Variants in HECW1 observed in about 807,000 individuals in gnomAD.
The protein encoded by HECW1 is HECT, C2 and WW domain containing E3 ubiquitin protein ligase 1.
A neutral mutation model predicts 182.3 loss-of-function variants in HECW1; 61 were observed. The observed-to-expected ratio is 0.33, with a 90% CI of 0.27 to 0.41. The LOEUF (loss-of-function observed/expected upper bound fraction) is 0.41, where lower values mean the gene tolerates loss of function less well. Ranked by LOEUF, HECW1 falls within the 10% of genes least tolerant of loss-of-function variation. The pLI, the probability that HECW1 is intolerant of heterozygous loss-of-function variation, is 1.00. For synonymous variants in HECW1, 859 were observed against 832.6 expected (o/e 1.03, Z -0.55); for missense variants, 1,739 against 2,108.9 (o/e 0.82, Z 3.44).
At chr7:43,476,808 G>A (rs1259680881) in intron 16 of HECW1, among the ~76,000 whole-genome samples, 11 of 151,982 alleles carry the variant, frequency 7.2e-5, no homozygotes, top group East Asian at 1.9e-4. Flanking sequence ...TAGTGTTAAC[G>A]ATTAACTCAC....
chr7:43,336,165 TC>T (rs1463536161), intron 5 of HECW1, among the ~76,000 whole-genome samples: 7 of 120,400 alleles, frequency 5.8e-5, no homozygotes, highest in African/African-American at 1.3e-4. Context: ...TCTCTCTCTC[TC>T]TCTCTCTCTC....
At chr7:43,237,832 T>G (rs375150002) in intron 2 of HECW1, among the ~76,000 whole-genome samples, 19 of 149,870 alleles carry the variant, frequency 1.3e-4, no homozygotes, top group African/African-American at 4.8e-4. Flanking sequence ...CACCAGTCTT[T>G]CCCCCCCGCC....
At chr7:43,354,187 T>TAAA (rs34351679) in intron 5 of HECW1, among the ~76,000 whole-genome samples, 1 of 121,690 alleles carries the variant, frequency 8.2e-6, no homozygotes, top group Non-Finnish European at 1.8e-5. Context: ...TATCCAATAA[T>TAAA]AAAAAAAAAA....
At position 43,407,607 on chromosome 7, in the gene HECW1, A is replaced by G; in HGVS notation, c.677A>G (p.Asp226Gly). ...GLKKGMFFNPDPYLKISIQPG... is the reference protein window; with the variant it reads ...GLKKGMFFNPGPYLKISIQPG... ...AAGAAAGGGATGTTTTTCAACCCAG[A>G]CCCTTATCTGAAGATTTCCATTCAG... The change falls in exon 8 of 30, where the codon GAC (aspartate) becomes GGC (glycine). Residue 226 changes from aspartate to glycine, a missense_variant. This residue lies in a region of HECW1 where 279 missense variants were observed against 353.1 expected (regional missense o/e 0.79). Transcript: ENST00000395891. 6.2e-7 allele frequency: 1 copy of G among 1,613,794 alleles called. No individual in the cohort carries two copies. Among genetic ancestry groups the G allele is most frequent in the South Asian group, 1.1e-5 (1 of 91,046 alleles).
chr7:43,338,208 A>G (rs1812538061), intron 5 of HECW1, among the ~76,000 whole-genome samples: 1 of 152,154 alleles, frequency 6.6e-6, no homozygotes, highest in East Asian at 1.9e-4. Flanking sequence ...CACTGCTGGG[A>G]TACCCTGCCT....
chr7:43,415,658 A>G (rs2075968180), intron 8 of HECW1, among the ~76,000 whole-genome samples: 1 of 146,734 alleles, frequency 6.8e-6, no homozygotes, highest in African/African-American at 2.5e-5. Flanking sequence ...CATCACTTTC[A>G]GGTACACCAA....
chr7:43,228,205 G>T (rs1050892998), intron 2 of HECW1, among the ~76,000 whole-genome samples: 1 of 152,146 alleles, frequency 6.6e-6, no homozygotes, highest in African/African-American at 2.4e-5. Context: ...AATCTTGTAG[G>T]CCAGGCACAG....
intron 7 of HECW1, among the ~76,000 whole-genome samples, chr7:43,397,502 C>T (rs542799979): frequency 5.3e-5 from 8 of 152,142 alleles, no homozygotes; most frequent in East Asian, 1.9e-4. Flanking sequence ...GGGCTGAGTA[C>T]GAAAAGAGAG....
intron 16 of HECW1, 117 bp from the exon 17 acceptor site, chr7:43,479,493 G>A (rs1563032573): frequency 7.5e-6 from 9 of 1,205,454 alleles, no homozygotes; most frequent in South Asian, 2.8e-5. Flanking sequence ...AGGGGTAGGG[G>A]AGGCTGGGCA....
chr7:43,408,899 A>G (rs758479670), intron 8 of HECW1, among the ~76,000 whole-genome samples: 10 of 152,148 alleles, frequency 6.6e-5, no homozygotes, highest in East Asian at 1.9e-4. Context: ...TAGTTTATAA[A>G]TTTGAGAGAT....
intron 24 of HECW1, among the ~76,000 whole-genome samples, chr7:43,539,956 C>A (rs771458019): frequency 2.6e-5 from 4 of 152,148 alleles, no homozygotes; most frequent in Non-Finnish European, 5.9e-5. Context: ...GCCCAAGGAC[C>A]CATTGTCCCA....
intron 6 of HECW1, among the ~76,000 whole-genome samples, chr7:43,390,703 C>A (rs967278549): frequency 2.0e-5 from 3 of 152,044 alleles, no homozygotes; most frequent in African/African-American, 7.3e-5. Flanking sequence ...TGTTTTAAGT[C>A]TTTCAGACCA....
intron 5 of HECW1, among the ~76,000 whole-genome samples, chr7:43,343,861 A>G (rs1020251172): frequency 6.6e-6 from 1 of 151,822 alleles, no homozygotes; most frequent in African/African-American, 2.4e-5. Context: ...GAATTAGTTT[A>G]CACTCCCACC....
At chr7:43,461,979 C>T (rs533053281) in intron 13 of HECW1, among the ~76,000 whole-genome samples, 2 of 152,330 alleles carry the variant, frequency 1.3e-5, no homozygotes, top group South Asian at 4.1e-4. Flanking sequence ...ATTTCTGTAA[C>T]TTTAACAATC....
chr7:43,485,039 C>G (rs1000867045), intron 17 of HECW1, among the ~76,000 whole-genome samples: 11 of 152,148 alleles, frequency 7.2e-5, no homozygotes, highest in Non-Finnish European at 2.9e-5. Flanking sequence ...ATTTTCATTT[C>G]TTTTGCCATC....
At chr7:43,479,350 T>C (rs1309934905) in intron 16 of HECW1, among the ~76,000 whole-genome samples, 1 of 152,172 alleles carries the variant, frequency 6.6e-6, no homozygotes, top group Non-Finnish European at 1.5e-5. Context: ...GAGAATCTAA[T>C]GGCACCACTG....
chr7:43,372,533 CT>C (rs1173395604), intron 6 of HECW1, among the ~76,000 whole-genome samples: 1 of 151,814 alleles, frequency 6.6e-6, no homozygotes, highest in East Asian at 1.9e-4. Flanking sequence ...CACTGTTTTC[CT>C]TTTTTTAGAC....
At chr7:43,284,823 C>T (rs1194707443) in intron 3 of HECW1, among the ~76,000 whole-genome samples, 1 of 152,040 alleles carries the variant, frequency 6.6e-6, no homozygotes, top group East Asian at 1.9e-4. Context: ...ATATAATTTA[C>T]ATTTGATGTT....
At chr7:43,424,782 A>C (rs549843707) in intron 8 of HECW1, among the ~76,000 whole-genome samples, 3 of 152,304 alleles carry the variant, frequency 2.0e-5, no homozygotes, top group Middle Eastern at 6.8e-3. Context: ...TATTGATTTC[A>C]TGTATTATGT....
Sources: gnomAD v4.1 joint callset for allele counts (sites outside exome capture counted in the v4.1 genomes callset) on GRCh38, gnomAD v4.1.1 for gene constraint, gnomAD v4.1.1 regional missense constraint, MANE v1.5 for transcripts, NCBI Gene and HGNC (gene_info 2026-07-23, HGNC 2026-07-21) for gene names.